SRL: variants seen among roughly 807,000 people sequenced by gnomAD.
SRL encodes sarcalumenin.
SRL carries 23 observed loss-of-function variants against 39.5 expected under a neutral mutation model. That is an observed-to-expected ratio of 0.58 (90% CI 0.42 to 0.82). The LOEUF is 0.82. Among genes scored for constraint, SRL ranks in the 40% least tolerant of loss-of-function variants. The probability of loss-of-function intolerance (pLI) is 0.00; values close to 1 mark genes in which losing one functional copy is unlikely to be tolerated. For synonymous variants in SRL, 272 were observed against 237.4 expected, an observed-to-expected ratio of 1.15 and a Z score of -1.34; for missense variants, 592 against 607.8, an observed-to-expected ratio of 0.97 and a Z score of 0.27.
At chr16:4,231,880 T>A (rs1392948614) in intron 1 of SRL, among the ~76,000 whole-genome samples, 1 of 152,226 alleles carries the variant, frequency 6.6e-6, no homozygotes, top group East Asian at 1.9e-4. Context: ...TCAAAAAATA[T>A]TTTAAGCATC....
chr16:4,216,418 C>G (rs1013687908), intron 1 of SRL, among the ~76,000 whole-genome samples: 1 of 152,008 alleles, frequency 6.6e-6, no homozygotes, highest in Admixed American at 6.6e-5. Flanking sequence ...ACCACAAGTG[C>G]ACGCAACCAC....
At chr16:4,226,646 G>C (rs2052592743) in intron 1 of SRL, among the ~76,000 whole-genome samples, 1 of 151,950 alleles carries the variant, frequency 6.6e-6, no homozygotes. Context: ...TGGATGGAAG[G>C]AAGGAAGGGT....
At chr16:4,208,254 A>G (rs887652857) in intron 1 of SRL, 6 of 352,374 alleles carry the variant, frequency 1.7e-5, no homozygotes, top group African/African-American at 1.3e-4. Context: ...CTTCAGGACT[A>G]CCTCGTGCGT....
At chr16:4,200,084 C>G (rs2052206902) in intron 3 of SRL, among the ~76,000 whole-genome samples, 2 of 152,210 alleles carry the variant, frequency 1.3e-5, no homozygotes, top group Admixed American at 1.3e-4. Context: ...GAGGCTAAAG[C>G]TCAGTCCTAA....
Position 4,195,683 on chromosome 16 carries a change from T to A in SRL, c.480A>T (p.Ser160=). The A allele has an allele frequency of 6.2e-7, 1 of 1,613,872 alleles. No homozygotes were observed. The highest frequency in any genetic ancestry group is 8.5e-7 in the Non-Finnish European group (1 of 1,179,966). Residue 160 remains serine (S), a synonymous_variant, in exon 5 of 6, where the codon TCA becomes TCT. Coordinates refer to ENST00000399609, the MANE Select transcript of SRL (RefSeq NM_001098814.2). ...VMAADSARSF[S]PLEKFGQNFL... ...AATTCTGGCCAAACTTCTCAAGGGG[T>A]GAGAAGGAACGGGCGCTGTCAGCAG...
chr16:4,219,933 T>C (rs2052502879), intron 1 of SRL, among the ~76,000 whole-genome samples: 1 of 151,652 alleles, frequency 6.6e-6, no homozygotes, highest in Non-Finnish European at 1.5e-5. Context: ...CTTAGCTATC[T>C]GAGTTCAAGG....
chr16:4,233,302 C>T lies in SRL; in HGVS notation c.61+8705G>A, dbSNP rs138187621. On this transcript the variant is annotated intron_variant, in intron 1 of 5. Transcript: ENST00000399609. The stretch of plus-strand genomic sequence containing the variant: ...CTCACCTCCTGGCTTTTGTCACCAT[C>T]TTCAGGTGTCTCTGCCTGCACAAAT... Among the ~76,000 whole-genome samples, 558 of 152,356 alleles carry T rather than the reference C, an allele frequency of 3.7e-3. 4 individuals carry two copies. Among genetic ancestry groups the T allele is most frequent in the African/African-American group, 0.013 (536 of 41,578 alleles).
At chr16:4,222,558 G>T (rs1370380102) in intron 1 of SRL, among the ~76,000 whole-genome samples, 1 of 152,176 alleles carries the variant, frequency 6.6e-6, no homozygotes, top group Non-Finnish European at 1.5e-5. Context: ...ACAGGCATGA[G>T]CCACTGCACC....
intron 1 of SRL, among the ~76,000 whole-genome samples, chr16:4,231,540 A>C (rs1337930101): frequency 1.3e-5 from 2 of 152,064 alleles, no homozygotes; most frequent in Non-Finnish European, 2.9e-5. Context: ...CCCCCCTTCC[A>C]GGAAGCATGC....
intron 2 of SRL, among the ~76,000 whole-genome samples, chr16:4,203,942 G>A (rs1273203156): frequency 6.6e-6 from 1 of 152,198 alleles, no homozygotes; most frequent in Non-Finnish European, 1.5e-5. Flanking sequence ...GAGGGGTGGG[G>A]TCAGATAACC....
chr16:4,235,620 G>A (rs962606849), intron 1 of SRL, among the ~76,000 whole-genome samples: 4 of 152,168 alleles, frequency 2.6e-5, no homozygotes, highest in African/African-American at 9.7e-5. Flanking sequence ...AAGATCACTT[G>A]AACCCAGGAA....
intron 1 of SRL, among the ~76,000 whole-genome samples, chr16:4,216,280 T>C (rs565434925): frequency 6.6e-6 from 1 of 152,146 alleles, no homozygotes; most frequent in Non-Finnish European, 1.5e-5. Flanking sequence ...ATTTTATGTA[T>C]TTATTTATTT....
Position 4,192,462 on chromosome 16 carries a change from A to G in SRL, c.1113T>C (p.Ile371=). The change falls in exon 6 of 6, where the codon ATT becomes ATC. Residue 371 remains isoleucine, a synonymous_variant. Transcript: ENST00000399609. This position sits in a 1 kb window ranked among gnomAD's most constrained non-coding sequence, Gnocchi z 4.0. Reference sequence around the variant, plus strand: ...TGTAGAATTTATCGGGATCTTCCACAATGTCCTTAAAGACCAGTTCTCCAT... The same window carrying G: ...TGTAGAATTTATCGGGATCTTCCACGATGTCCTTAAAGACCAGTTCTCCAT... ...FSDGELVFKD[I]VEDPDKFYIF... is the part of the protein sequence containing the mutation. The G allele has an allele frequency of 1.2e-6, 2 of 1,614,166 alleles. No homozygotes were observed. Among genetic ancestry groups the G allele is most frequent in the South Asian group, 1.1e-5 (1 of 91,082 alleles).
intron 2 of SRL, among the ~76,000 whole-genome samples, chr16:4,204,030 A>G (rs1373549570): frequency 6.6e-6 from 1 of 152,186 alleles, no homozygotes; most frequent in Non-Finnish European, 1.5e-5. Context: ...GAGTCAGGCT[A>G]GCGAGACTCT....
intron 1 of SRL, among the ~76,000 whole-genome samples, chr16:4,226,330 A>C (rs2141061156): frequency 6.6e-6 from 1 of 152,242 alleles, no homozygotes; most frequent in Middle Eastern, 3.4e-3. Context: ...GGAAGGATGG[A>C]TGGATGAACA....
chr16:4,224,110 C>A (rs1016173741), intron 1 of SRL, among the ~76,000 whole-genome samples: 1 of 151,956 alleles, frequency 6.6e-6, no homozygotes, highest in East Asian at 1.9e-4. Context: ...AGCCCTGGGA[C>A]CCCGGGCATC....
intron 1 of SRL, among the ~76,000 whole-genome samples, chr16:4,206,042 C>T (rs1166655737): frequency 6.6e-6 from 1 of 152,186 alleles, no homozygotes; most frequent in African/African-American, 2.4e-5. Context: ...CCCTGAAAGC[C>T]CCACTCCTGG....
chr16:4,211,014 G>A (rs999449797), intron 1 of SRL, among the ~76,000 whole-genome samples: 2 of 152,202 alleles, frequency 1.3e-5, no homozygotes, highest in Admixed American at 6.5e-5. Context: ...TCTGAGAAGC[G>A]CTGGGCTACA....
rs376363896 is a variant in SRL, at chr16:4,233,212, C to T, written c.61+8795G>A. ...AGGGTGGCCTAATCTCCCCCGAACACGAGCCCCACACTCTAGCCAGAGCTA... is the reference window on the plus strand; with the variant it reads ...AGGGTGGCCTAATCTCCCCCGAACATGAGCCCCACACTCTAGCCAGAGCTA... On this transcript the variant is annotated intron_variant, in intron 1 of 5. Transcript: ENST00000399609. Among the ~76,000 whole-genome samples, 17 of 152,344 alleles carry T rather than the reference C, an allele frequency of 1.1e-4. 1 individual carries two copies. The East Asian group carries it at 1.3e-3, about 12-fold the overall frequency.
Sources: allele counts gnomAD v4.1 joint callset (sites outside exome capture counted in the v4.1 genomes callset), GRCh38; gene constraint gnomAD v4.1.1; non-coding constraint Gnocchi (gnomAD v3.1); transcripts MANE v1.5; gene names NCBI Gene and HGNC (gene_info 2026-07-23, HGNC 2026-07-21).